The following ZNF722 variants were observed in gnomAD, a reference collection of about 807,000 sequenced individuals.
ZNF722 encodes the protein zinc finger protein 479 pseudogene.
At chr7:64,006,204 T>G in the ZNF722 span, 2 of 1,176,482 alleles carry the variant, frequency 1.7e-6, no homozygotes, top group Non-Finnish European at 2.3e-6. Context: ...TTATCTTACT[T>G]TTTTTTCTTA....
chr7:63,999,868 G>T, the ZNF722 span, among the ~76,000 whole-genome samples: 1 of 151,724 alleles, frequency 6.6e-6, no homozygotes, highest in Non-Finnish European at 1.5e-5. Context: ...GCTAATTTTT[G>T]TATTTTTAGT....
chr7:64,012,541 C>A, the ZNF722 span, among the ~76,000 whole-genome samples: 360 of 152,234 alleles, frequency 2.4e-3, 1 homozygote, highest in African/African-American at 7.9e-3. Flanking sequence ...CCCTCAGCTG[C>A]AGGACAAGTG....
the ZNF722 span, among the ~76,000 whole-genome samples, chr7:64,013,288 C>A: frequency 2.0e-5 from 3 of 151,530 alleles, no homozygotes; most frequent in African/African-American, 7.3e-5. Flanking sequence ...TCAATATTTG[C>A]TTTATATATT....
the ZNF722 span, among the ~76,000 whole-genome samples, chr7:64,013,518 T>TA: frequency 3.2e-3 from 480 of 149,288 alleles, 4 homozygotes; most frequent in African/African-American, 0.01. Context: ...TTTAAACTGG[T>TA]AAAAAAAAAA....
chr7:64,007,569 A>T, the ZNF722 span, among the ~76,000 whole-genome samples: 8 of 151,982 alleles, frequency 5.3e-5, no homozygotes, highest in African/African-American at 1.4e-4. Context: ...AATCACATGA[A>T]CTCATCCTTT....
chr7:64,007,950 T>C, the ZNF722 span, among the ~76,000 whole-genome samples: 6 of 152,216 alleles, frequency 3.9e-5, no homozygotes, highest in African/African-American at 1.4e-4. Context: ...TGGTGTGAGA[T>C]GGTATCTCAT....
chr7:64,013,339 A>C, the ZNF722 span, among the ~76,000 whole-genome samples: 1 of 152,142 alleles, frequency 6.6e-6, no homozygotes, highest in Admixed American at 6.6e-5. Flanking sequence ...ATATAGATAG[A>C]CATAATAGTT....
At chr7:64,002,986 G>A in the ZNF722 span, among the ~76,000 whole-genome samples, 1 of 152,168 alleles carries the variant, frequency 6.6e-6, no homozygotes, top group African/African-American at 2.4e-5. Context: ...GCATTTACAG[G>A]GGACTTGTTG....
chr7:64,010,724 C>T, the ZNF722 span, among the ~76,000 whole-genome samples: 3 of 152,064 alleles, frequency 2.0e-5, no homozygotes, highest in East Asian at 1.9e-4. Context: ...CATTCCGTTG[C>T]TTTTGTGTGG....
At chr7:64,005,772 A>G in the ZNF722 span, 1 of 1,470,568 alleles carries the variant, frequency 6.8e-7, no homozygotes, top group African/African-American at 1.4e-5. Context: ...TTCCTAATAT[A>G]TTGCCTTTCT....
chr7:64,015,747 G>T, the ZNF722 span: 46 of 1,613,446 alleles, frequency 2.9e-5, no homozygotes, highest in Non-Finnish European at 3.6e-5. Context: ...CTACACATGT[G>T]AAGAATGTGG....
chr7:64,014,234 C>G, the ZNF722 span, among the ~76,000 whole-genome samples: 5 of 151,396 alleles, frequency 3.3e-5, no homozygotes, highest in Non-Finnish European at 7.4e-5. Context: ...TTATTCCAAG[C>G]CTTTTGTTGA....
At chr7:64,011,087 A>G in the ZNF722 span, among the ~76,000 whole-genome samples, 119 of 148,954 alleles carry the variant, frequency 8.0e-4, no homozygotes, top group Non-Finnish European at 1.4e-3. Context: ...TTTGCTTTCC[A>G]TTTTTTTGGT....
chr7:63,998,947 G>T, the ZNF722 span: 1 of 1,574,744 alleles, frequency 6.4e-7, no homozygotes, highest in Non-Finnish European at 8.7e-7. Flanking sequence ...GTGTCCTGCA[G>T]GTATTCGCAG....
the ZNF722 span, among the ~76,000 whole-genome samples, chr7:64,011,345 G>A: frequency 8.5e-5 from 13 of 152,090 alleles, no homozygotes; most frequent in Non-Finnish European, 5.9e-5. Flanking sequence ...TCTTAGCATC[G>A]ATGATCTTTA....
chr7:63,999,555 T>C, the ZNF722 span, among the ~76,000 whole-genome samples: 11 of 152,180 alleles, frequency 7.2e-5, no homozygotes, highest in Admixed American at 7.2e-4. Flanking sequence ...AATTCAGTAA[T>C]TGGTTTGGTA....
the ZNF722 span, among the ~76,000 whole-genome samples, chr7:64,016,525 A>T: frequency 1.3e-5 from 2 of 152,220 alleles, no homozygotes; most frequent in African/African-American, 2.4e-5. Flanking sequence ...ATCCTACAAA[A>T]GCAAAGAATG....
chr7:64,004,430 A>ATATATATG, the ZNF722 span, among the ~76,000 whole-genome samples: 15 of 99,160 alleles, frequency 1.5e-4, no homozygotes, highest in Admixed American at 5.7e-4. Context: ...AAAAAAATAT[A>ATATATATG]TATATATATA....
the ZNF722 span, among the ~76,000 whole-genome samples, chr7:64,002,438 T>C: frequency 2.0e-5 from 3 of 152,230 alleles, no homozygotes; most frequent in Non-Finnish European, 4.4e-5. Flanking sequence ...AAATTTTTTG[T>C]GTCTGCCTTA....
Sources: gnomAD v4.1 joint callset for allele counts (sites outside exome capture counted in the v4.1 genomes callset) on GRCh38, gnomAD v4.1.1 for gene constraint, MANE v1.5 for transcripts, NCBI Gene and HGNC (gene_info 2026-07-23, HGNC 2026-07-21) for gene names.